Variants in HS6ST2 observed in about 807,000 individuals in gnomAD.
HS6ST2 encodes heparan-sulfate 6-O-sulfotransferase 2.
In HS6ST2, 17 loss-of-function variants were observed where a neutral mutation model predicts 33.0. The observed-to-expected ratio is 0.52, with a 90% CI of 0.35 to 0.77. The LOEUF (loss-of-function observed/expected upper bound fraction) is 0.77, where lower values mean the gene tolerates loss of function less well. Ranked by LOEUF, HS6ST2 falls within the 30% of genes least tolerant of loss-of-function variation. HS6ST2 has a pLI of 0.01. For synonymous variants in HS6ST2, 248 were observed against 237.1 expected (o/e 1.05, Z -0.42); for missense variants, 519 against 551.7 (o/e 0.94, Z 0.59).
At position 132,835,641 on chromosome X, in the gene HS6ST2, A is replaced by G. The variant is rs1006607976; in HGVS notation, c.947+121167T>C. Among the ~76,000 whole-genome samples the G allele has an allele frequency of 2.7e-5, 3 of 112,433 alleles. No individual in the cohort carries two copies. The East Asian group carries it at 8.4e-4, about 32-fold the overall frequency. The stretch of plus-strand genomic sequence containing the variant: ...CAGATTGATAAGAAATCTGTTATAA[A>G]CATTTTAGGCCACGCCTGTAATGCC... On this transcript the variant is annotated intron_variant, in intron 2 of 4. Coordinates refer to ENST00000370833, the MANE Select transcript of HS6ST2 (RefSeq NM_001394073.1).
Position 132,911,136 on chromosome X carries a change from C to T in HS6ST2, c.947+45672G>A, listed in dbSNP as rs192169125. On this transcript the variant is annotated intron_variant, in intron 2 of 4. Transcript: ENST00000370833. ...CTGCACTCCAGCCTGGGTGACAGAG[C>T]GAGACGCTATCTCAAAAAAAAAAAA... 2.7e-4 allele frequency among the ~76,000 whole-genome samples: 21 copies of T among 78,499 alleles called. 1 individual carries two copies. The East Asian group carries it at 8.6e-3, about 32-fold the overall frequency. 68.2% of individuals were successfully genotyped at this position (78,499 alleles called of 115,157 possible).
intron 2 of HS6ST2, among the ~76,000 whole-genome samples, chrX:132,757,635 C>A (rs1329989460): frequency 7.2e-5 from 8 of 110,855 alleles, no homozygotes; most frequent in Non-Finnish European, 1.3e-4. Flanking sequence ...AGCACCCCCA[C>A]CCACCACGTG....
chrX:132,927,147 A>C (rs1411377324), intron 2 of HS6ST2, among the ~76,000 whole-genome samples: 1 of 109,297 alleles, frequency 9.1e-6, no homozygotes, highest in Non-Finnish European at 1.9e-5. Context: ...TTGCTTCCTC[A>C]CTCTCATCCC....
intron 2 of HS6ST2, among the ~76,000 whole-genome samples, chrX:132,795,270 T>C (rs2065165387): frequency 8.9e-6 from 1 of 112,045 alleles, no homozygotes; most frequent in African/African-American, 3.2e-5. Flanking sequence ...TAATATGGCC[T>C]TTTGTGTCTG....
chrX:132,678,942 A>G (rs1265968766), intron 3 of HS6ST2, among the ~76,000 whole-genome samples: 1 of 112,478 alleles, frequency 8.9e-6, no homozygotes, highest in Non-Finnish European at 1.9e-5. Context: ...AACTGAGCCA[A>G]AGAGTGAGGC....
intron 3 of HS6ST2, among the ~76,000 whole-genome samples, chrX:132,700,807 T>C (rs1291890250): frequency 9.0e-6 from 1 of 110,894 alleles, no homozygotes; most frequent in Non-Finnish European, 1.9e-5. Flanking sequence ...CCCCAGTCTA[T>C]AGCCGCAATC....
intron 2 of HS6ST2, among the ~76,000 whole-genome samples, chrX:132,803,963 A>G (rs2065257975): frequency 8.9e-6 from 1 of 111,991 alleles, no homozygotes; most frequent in African/African-American, 3.2e-5. Context: ...GCTTCCCTGT[A>G]CAAAGAAACA....
chrX:132,897,442 G>T (rs758648202), intron 2 of HS6ST2, among the ~76,000 whole-genome samples: 1 of 111,243 alleles, frequency 9.0e-6, no homozygotes, highest in East Asian at 2.8e-4. Flanking sequence ...AATCTGTATA[G>T]CCTTTAAGTA....
At chrX:132,709,812 A>AACACACACACACACACACACACACACAC (rs60459374) in intron 2 of HS6ST2, among the ~76,000 whole-genome samples, 2 of 92,195 alleles carry the variant, frequency 2.2e-5, no homozygotes, top group African/African-American at 8.2e-5. Context: ...GAAAAGACAA[A>AACACACACACACACACACACACACACAC]ACACACACAC....
intron 2 of HS6ST2, among the ~76,000 whole-genome samples, chrX:132,719,112 TGCCAAATGATCAGG>T (rs1427675177): frequency 3.6e-5 from 4 of 111,354 alleles, no homozygotes; most frequent in Admixed American, 9.5e-5. Flanking sequence ...GAGTTGTGCT[TGCCAAATGATCAGG>T]GCCATCCTCT....
intron 2 of HS6ST2, among the ~76,000 whole-genome samples, chrX:132,879,623 G>A (rs1459348659): frequency 1.8e-5 from 2 of 112,107 alleles, no homozygotes; most frequent in East Asian, 5.6e-4. Flanking sequence ...GTTGAAATCA[G>A]AGGAGTCTGA....
chrX:132,690,743 C>A (rs763197659), intron 3 of HS6ST2, among the ~76,000 whole-genome samples: 1 of 112,021 alleles, frequency 8.9e-6, no homozygotes, highest in Non-Finnish European at 1.9e-5. Context: ...TTATTTTACA[C>A]CCAGAATATT....
rs1398163363 is a variant in HS6ST2, at chrX:132,911,181, T to A, written c.947+45627A>T. ...AAAAAAAAAACTTAGAGGGGAAATATTTATCAGTATTTTACCAGTAGCCTG... is the reference window on the plus strand; with the variant it reads ...AAAAAAAAAACTTAGAGGGGAAATAATTATCAGTATTTTACCAGTAGCCTG... On this transcript the variant is annotated intron_variant, in intron 2 of 4. Transcript: ENST00000370833. Among the ~76,000 whole-genome samples the A allele has an allele frequency of 5.5e-5, 6 of 108,246 alleles. No individual in the cohort carries two copies. The East Asian group carries it at 1.7e-3, about 31-fold the overall frequency. The allele number at this position is 108,246 out of a possible 115,157, so 94.0% of individuals were successfully genotyped here.
At chrX:132,809,882 G>A (rs981008892) in intron 2 of HS6ST2, among the ~76,000 whole-genome samples, 2 of 111,953 alleles carry the variant, frequency 1.8e-5, no homozygotes, top group Non-Finnish European at 3.8e-5. Context: ...TTTGTAACAA[G>A]TAAATGATTA....
At position 132,750,577 on chromosome X, in the gene HS6ST2, G is replaced by A. The variant is rs189917546; in HGVS notation, c.948-42083C>T. Among the ~76,000 whole-genome samples, 12 of 111,683 alleles carry A rather than the reference G, an allele frequency of 1.1e-4. No individual in the cohort carries two copies. The East Asian group carries it at 3.4e-3, about 31-fold the overall frequency. ...CTTTGGCTCCAGCACTTTATTTTGT[G>A]GTGTGATGGGCCAAGGGTATGGGAA... is the stretch of plus-strand genomic sequence containing the variant. On this transcript the variant is annotated intron_variant, in intron 2 of 4. Coordinates refer to ENST00000370833, the MANE Select transcript of HS6ST2 (RefSeq NM_001394073.1).
At chrX:132,805,204 T>C (rs899730547) in intron 2 of HS6ST2, among the ~76,000 whole-genome samples, 1 of 111,719 alleles carries the variant, frequency 9.0e-6, no homozygotes, top group Admixed American at 9.5e-5. Context: ...TATACACACA[T>C]GGCCACCTTT....
intron 2 of HS6ST2, among the ~76,000 whole-genome samples, chrX:132,732,031 G>A (rs1253241126): frequency 2.7e-5 from 3 of 111,767 alleles, no homozygotes; most frequent in Admixed American, 9.5e-5. Context: ...CAATCCTAAA[G>A]GGTAGTGTTG....
intron 2 of HS6ST2, among the ~76,000 whole-genome samples, chrX:132,898,759 A>G (rs2066401746): frequency 9.0e-6 from 1 of 110,639 alleles, no homozygotes; most frequent in Non-Finnish European, 1.9e-5. Flanking sequence ...GGGAGGCCAA[A>G]ATAATTAAAA....
chrX:132,885,405 T>TA (rs778405552), intron 2 of HS6ST2, among the ~76,000 whole-genome samples: 95 of 110,589 alleles, frequency 8.6e-4, no homozygotes, highest in Non-Finnish European at 1.3e-3. Flanking sequence ...TATATCTCAA[T>TA]AAAAAAAATG....
Sources: allele counts gnomAD v4.1 joint callset (sites outside exome capture counted in the v4.1 genomes callset), GRCh38; gene constraint gnomAD v4.1.1; transcripts MANE v1.5; gene names NCBI Gene and HGNC (gene_info 2026-07-23, HGNC 2026-07-21).